Variants in RAB28 observed in about 807,000 individuals in gnomAD.
The protein encoded by RAB28 is ras-related protein Rab-28.
RAB28 carries 24 observed loss-of-function variants against 31.7 expected under a neutral mutation model. That is an observed-to-expected ratio of 0.76 (90% CI 0.55 to 1.06). RAB28 has a LOEUF of 1.06. Ranked by LOEUF, RAB28 falls within the 50% of genes least tolerant of loss-of-function variation. The pLI is 0.00. For synonymous variants in RAB28, 100 were observed against 90.4 expected (o/e 1.11, Z -0.60); for missense variants, 254 against 258.5 (o/e 0.98, Z 0.12).
At chr4:13,460,670 C>G in intron 4 of RAB28, 29 bp downstream of exon 4, 2 of 1,613,200 alleles carry the variant, frequency 1.2e-6, no homozygotes, top group East Asian at 2.2e-5. Context: ...GTAAACTGTA[C>G]CATACATAAA....
At chr4:13,416,970 T>A (rs900443269) in intron 4 of RAB28, among the ~76,000 whole-genome samples, 2 of 152,164 alleles carry the variant, frequency 1.3e-5, no homozygotes, top group Admixed American at 1.3e-4. Flanking sequence ...GTCGGGGGAT[T>A]TCCCTTTCCT....
intron 4 of RAB28, among the ~76,000 whole-genome samples, chr4:13,383,254 C>T (rs185126237): frequency 7.2e-5 from 11 of 151,962 alleles, no homozygotes; most frequent in Admixed American, 4.6e-4. Flanking sequence ...CCATTGAAAT[C>T]GCCACCCATT....
intron 6 of RAB28, 58 bp from the exon 7 acceptor site, chr4:13,368,708 C>T: frequency 7.0e-7 from 1 of 1,434,726 alleles, no homozygotes; most frequent in South Asian, 1.2e-5. Flanking sequence ...GAAAGAGCTC[C>T]TTAAAGTATA....
intron 4 of RAB28, among the ~76,000 whole-genome samples, chr4:13,432,892 T>A (rs1045083491): frequency 2.0e-5 from 3 of 151,734 alleles, no homozygotes; most frequent in Admixed American, 6.6e-5. Context: ...TTAACAATAC[T>A]ATGACAAAAA....
intron 4 of RAB28, 43 bp downstream of exon 4, chr4:13,460,656 G>C: frequency 6.2e-7 from 1 of 1,611,154 alleles, no homozygotes; most frequent in Non-Finnish European, 8.5e-7. Context: ...GTCCACAACA[G>C]CAAGTAAACT....
chr4:13,432,129 C>T (rs969784221), intron 4 of RAB28, among the ~76,000 whole-genome samples: 2 of 152,022 alleles, frequency 1.3e-5, no homozygotes, highest in Non-Finnish European at 2.9e-5. Context: ...AATTTAACTA[C>T]AGGATTTTCA....
intron 4 of RAB28, among the ~76,000 whole-genome samples, chr4:13,421,487 G>A (rs1252936553): frequency 1.3e-5 from 2 of 152,148 alleles, no homozygotes; most frequent in Admixed American, 6.5e-5. Flanking sequence ...GAGGCATCAT[G>A]CTACCTGACT....
intron 4 of RAB28, among the ~76,000 whole-genome samples, chr4:13,444,018 CTT>C (rs541621588): frequency 1.4e-5 from 2 of 140,892 alleles, no homozygotes; most frequent in African/African-American, 5.1e-5. Flanking sequence ...ACAGGATTTC[CTT>C]TTTTTTTTTT....
At chr4:13,458,748 T>C (rs1560140493) in intron 4 of RAB28, among the ~76,000 whole-genome samples, 1 of 152,182 alleles carries the variant, frequency 6.6e-6, no homozygotes, top group South Asian at 2.1e-4. Flanking sequence ...ATACTCACCA[T>C]TGTGTTATAA....
intron 4 of RAB28, among the ~76,000 whole-genome samples, chr4:13,393,671 T>C (rs1048871447): frequency 6.6e-6 from 1 of 151,770 alleles, no homozygotes; most frequent in Non-Finnish European, 1.5e-5. Context: ...TATGACATTT[T>C]CTTCGGTTTA....
rs1318782271 is a variant in RAB28 at position 13,484,224 on chromosome 4, G to C, written c.-74C>G. ...GGATGAAGGCTCCGGGGGCGGGGGA[G>C]AGGAGGAAGGGAGGTAGTTGCGGCA... On this transcript the variant is annotated 5_prime_UTR_variant, in exon 1 of 7. Coordinates refer to ENST00000330852, the MANE Select transcript of RAB28 (RefSeq NM_001017979.3). 1.6e-6 allele frequency: 2 copies of C among 1,231,900 alleles called. No homozygotes were observed. Among genetic ancestry groups the C allele is most frequent in the African/African-American group, 3.0e-5 (2 of 66,844 alleles). The allele number at this position is 1,231,900 out of a possible 1,614,324, so 76.3% of individuals were successfully genotyped here.
At chr4:13,410,638 G>T (rs1182714732) in intron 4 of RAB28, among the ~76,000 whole-genome samples, 1 of 152,064 alleles carries the variant, frequency 6.6e-6, no homozygotes, top group Non-Finnish European at 1.5e-5. Context: ...TGAATGTGAG[G>T]CCACAGAGCT....
chr4:13,442,888 C>T (rs1197442149), intron 4 of RAB28, among the ~76,000 whole-genome samples: 1 of 152,172 alleles, frequency 6.6e-6, no homozygotes, highest in Non-Finnish European at 1.5e-5. Context: ...CAGTTAGTAA[C>T]TGAACCCGTA....
chr4:13,448,109 G>A (rs1714787249), intron 4 of RAB28, among the ~76,000 whole-genome samples: 1 of 152,020 alleles, frequency 6.6e-6, no homozygotes, highest in Non-Finnish European at 1.5e-5. Flanking sequence ...AAAGTTTTCT[G>A]ATACCCAGTC....
At chr4:13,412,687 A>C (rs1356313540) in intron 4 of RAB28, among the ~76,000 whole-genome samples, 1 of 152,166 alleles carries the variant, frequency 6.6e-6, no homozygotes, top group African/African-American at 2.4e-5. Context: ...AGAAAACAAA[A>C]AGAATAAGAA....
intron 3 of RAB28, among the ~76,000 whole-genome samples, chr4:13,466,262 A>G (rs111479699): frequency 5.3e-5 from 8 of 152,096 alleles, no homozygotes; most frequent in African/African-American, 1.9e-4. Flanking sequence ...GAAAAAATTA[A>G]CAGTGTGCAG....
At chr4:13,441,556 A>G (rs1184900442) in intron 4 of RAB28, among the ~76,000 whole-genome samples, 1 of 152,192 alleles carries the variant, frequency 6.6e-6, no homozygotes, top group Non-Finnish European at 1.5e-5. Flanking sequence ...ATTTCACTAT[A>G]ATGATGCTTC....
intron 4 of RAB28, among the ~76,000 whole-genome samples, chr4:13,417,412 C>A (rs1712845779): frequency 6.6e-6 from 1 of 152,216 alleles, no homozygotes; most frequent in Non-Finnish European, 1.5e-5. Context: ...AGGGTTTGAG[C>A]TCTGAAAATG....
chr4:13,401,052 T>C (rs2108900217), intron 4 of RAB28, among the ~76,000 whole-genome samples: 1 of 152,336 alleles, frequency 6.6e-6, no homozygotes, highest in Admixed American at 6.5e-5. Flanking sequence ...CTGATTTTAA[T>C]AGATTATTAT....
Sources: allele counts gnomAD v4.1 joint callset (sites outside exome capture counted in the v4.1 genomes callset), GRCh38; gene constraint gnomAD v4.1.1; transcripts MANE v1.5; gene names NCBI Gene and HGNC (gene_info 2026-07-23, HGNC 2026-07-21).